SPOCK1: variants seen among roughly 807,000 people sequenced by gnomAD.
SPOCK1 encodes the protein testican-1.
In SPOCK1, 23 loss-of-function variants were observed where a neutral mutation model predicts 55.3. That is an observed-to-expected ratio of 0.42 (90% CI 0.30 to 0.59). The LOEUF (loss-of-function observed/expected upper bound fraction) is 0.59. SPOCK1 is among the 20% of genes least tolerant of loss of function. The pLI, the probability that SPOCK1 is intolerant of heterozygous loss-of-function variation, is 0.22. For synonymous variants in SPOCK1, 226 were observed against 221.0 expected, an observed-to-expected ratio of 1.02 and a Z score of -0.20; for missense variants, 499 against 552.5, an observed-to-expected ratio of 0.90 and a Z score of 0.97.
At chr5:137,261,988 T>C (rs1251295960) in intron 3 of SPOCK1, among the ~76,000 whole-genome samples, 1 of 152,238 alleles carries the variant, frequency 6.6e-6, no homozygotes, top group African/African-American at 2.4e-5. Flanking sequence ...GTTATATACA[T>C]AAATTACCTT....
At chr5:137,351,555 C>T (rs1246604376) in intron 2 of SPOCK1, among the ~76,000 whole-genome samples, 2 of 152,222 alleles carry the variant, frequency 1.3e-5, no homozygotes, top group Middle Eastern at 3.4e-3. Flanking sequence ...TGGGAGAAAA[C>T]GCCTAGATTT....
At chr5:137,435,073 A>G (rs57533969) in intron 2 of SPOCK1, among the ~76,000 whole-genome samples, 6,023 of 152,312 alleles carry the variant, frequency 0.04, 416 homozygotes, top group African/African-American at 0.14. Context: ...TACTTTTATC[A>G]CAATGCGAAC....
chr5:137,270,349 G>A (rs1756938289), intron 2 of SPOCK1, among the ~76,000 whole-genome samples: 1 of 151,920 alleles, frequency 6.6e-6, no homozygotes, highest in South Asian at 2.1e-4. Context: ...ATAGAAAGAT[G>A]CATATCTAAA....
At chr5:137,273,926 T>C (rs1757015970) in intron 2 of SPOCK1, among the ~76,000 whole-genome samples, 1 of 152,220 alleles carries the variant, frequency 6.6e-6, no homozygotes, top group Non-Finnish European at 1.5e-5. Context: ...GTAAAATGAA[T>C]AGCATTGTCA....
In SPOCK1 at chr5:137,122,240, T is replaced by TACACAC. The variant is rs772246376; in HGVS notation, c.348-9685_348-9680dup. ...TGAGGCCTGCATGCAAAAGCAGTTA[T>TACACAC]ACACACACACACACACGCACACACA... On this transcript the variant is annotated intron_variant, in intron 4 of 10. Coordinates refer to ENST00000394945, the MANE Select transcript of SPOCK1 (RefSeq NM_004598.4). 9.0e-3 allele frequency among the ~76,000 whole-genome samples: 1,196 copies of TACACAC among 133,030 alleles called. 10 individuals are homozygous for TACACAC. The highest frequency in any genetic ancestry group is 0.027 in the African/African-American group (910 of 34,036). 87.3% of individuals were successfully genotyped at this position (133,030 alleles called of 152,430 possible).
At chr5:137,175,741 G>T (rs1424664508) in intron 3 of SPOCK1, among the ~76,000 whole-genome samples, 2 of 152,080 alleles carry the variant, frequency 1.3e-5, no homozygotes, top group African/African-American at 4.8e-5. Flanking sequence ...AAAGTGTTTT[G>T]CAGAGCACCT....
chr5:137,251,714 G>C (rs1435756558), intron 3 of SPOCK1, among the ~76,000 whole-genome samples: 2 of 152,158 alleles, frequency 1.3e-5, no homozygotes, highest in Admixed American at 6.5e-5. Context: ...TTAGATGCCT[G>C]CATGAGAGAG....
At chr5:137,191,211 C>G (rs986514902) in intron 3 of SPOCK1, among the ~76,000 whole-genome samples, 2 of 152,182 alleles carry the variant, frequency 1.3e-5, no homozygotes, top group African/African-American at 4.8e-5. Flanking sequence ...GTTTCCTCTT[C>G]TGAAAAATGA....
At chr5:137,018,138 T>A (rs1751487833) in intron 6 of SPOCK1, among the ~76,000 whole-genome samples, 1 of 152,168 alleles carries the variant, frequency 6.6e-6, no homozygotes, top group Non-Finnish European at 1.5e-5. Context: ...ATCTTGTGGG[T>A]AGAGGCCAGG....
chr5:137,339,274 G>A (rs1248421011), intron 2 of SPOCK1, among the ~76,000 whole-genome samples: 5 of 152,222 alleles, frequency 3.3e-5, no homozygotes, highest in Non-Finnish European at 5.9e-5. Flanking sequence ...GATGGAGCAT[G>A]TGACCCAAAC....
intron 3 of SPOCK1, among the ~76,000 whole-genome samples, chr5:137,145,717 G>A (rs1434658): frequency 0.21 from 31,942 of 152,182 alleles, 3,715 homozygotes; most frequent in East Asian, 0.39. Flanking sequence ...AGACAGGTGA[G>A]ACAGGTAAGG....
At chr5:137,138,701 ACCCC>A (rs33985139) in intron 4 of SPOCK1, among the ~76,000 whole-genome samples, 1 of 139,276 alleles carries the variant, frequency 7.2e-6, no homozygotes, top group African/African-American at 2.6e-5. Flanking sequence ...TCAAATAATA[ACCCC>A]CCCCCCCCAA....
rs1054988364 is a variant in SPOCK1, at chr5:137,143,980, G to A, written c.233-3286C>T. The stretch of plus-strand genomic sequence containing the variant: ...ATTGCGGGGCTCACCTCATGCCAAG[G>A]GCCCAAGTGCACCATATTCTTAAGA... On this transcript the variant is annotated intron_variant, in intron 3 of 10. Coordinates refer to ENST00000394945, the MANE Select transcript of SPOCK1 (RefSeq NM_004598.4). Among the ~76,000 whole-genome samples, 3 of 152,202 alleles carry A rather than the reference G, an allele frequency of 2.0e-5. No homozygotes were observed. The East Asian group carries it at 5.8e-4, about 29-fold the overall frequency.
chr5:137,280,856 C>T (rs752334878), intron 2 of SPOCK1, among the ~76,000 whole-genome samples: 7 of 152,174 alleles, frequency 4.6e-5, no homozygotes, highest in Non-Finnish European at 1.0e-4. Flanking sequence ...AGCCCCGGTG[C>T]ACCAATCCCC....
chr5:137,094,072 G>A (rs1410134004), intron 5 of SPOCK1, among the ~76,000 whole-genome samples: 2 of 152,210 alleles, frequency 1.3e-5, no homozygotes, highest in African/African-American at 4.8e-5. Flanking sequence ...ATAGTTTAGA[G>A]TGAAGAAGAC....
At chr5:137,285,818 T>G (rs1051487641) in intron 2 of SPOCK1, among the ~76,000 whole-genome samples, 1 of 152,056 alleles carries the variant, frequency 6.6e-6, no homozygotes, top group African/African-American at 2.4e-5. Context: ...GAATACCACA[T>G]GTAGAGCCAC....
intron 2 of SPOCK1, among the ~76,000 whole-genome samples, chr5:137,404,203 A>G (rs890871282): frequency 3.9e-5 from 6 of 152,212 alleles, no homozygotes; most frequent in African/African-American, 9.6e-5. Context: ...AGGTAGAAAC[A>G]GAAAAAAGCT....
At chr5:137,063,389 C>A (rs1289028623) in intron 6 of SPOCK1, among the ~76,000 whole-genome samples, 3 of 148,700 alleles carry the variant, frequency 2.0e-5, no homozygotes, top group Non-Finnish European at 3.0e-5. Flanking sequence ...ACAAAAAAAT[C>A]TTGGCTTTGA....
intron 5 of SPOCK1, among the ~76,000 whole-genome samples, chr5:137,108,903 A>T (rs1420131896): frequency 6.6e-6 from 1 of 152,152 alleles, no homozygotes; most frequent in East Asian, 1.9e-4. Flanking sequence ...CATATCCAAA[A>T]AGTCAACTTT....
Sources: allele counts gnomAD v4.1 joint callset (sites outside exome capture counted in the v4.1 genomes callset), GRCh38; gene constraint gnomAD v4.1.1; transcripts MANE v1.5; gene names NCBI Gene and HGNC (gene_info 2026-07-23, HGNC 2026-07-21).